OLFM3: variants seen among roughly 807,000 people sequenced by gnomAD.
The protein encoded by OLFM3 is noelin-3.
Under a neutral mutation model 48.6 loss-of-function variants are expected in OLFM3, and 20 were observed. That is an observed-to-expected ratio of 0.41 (90% CI 0.29 to 0.60). OLFM3 has a LOEUF of 0.60. OLFM3 is among the 20% of genes least tolerant of loss of function. OLFM3 has a pLI of 0.28. For missense variants in OLFM3, 437 were observed against 544.3 expected, an observed-to-expected ratio of 0.80 and a Z score of 1.96; for synonymous variants, 222 against 198.1, an observed-to-expected ratio of 1.12 and a Z score of -1.01.
intron 1 of OLFM3, among the ~76,000 whole-genome samples, chr1:101,983,546 C>T (rs974805905): frequency 1.3e-5 from 2 of 152,190 alleles, no homozygotes; most frequent in Non-Finnish European, 2.9e-5. Context: ...TGTCCAACTC[C>T]TAAACTAGTG....
chr1:101,928,962 C>T (rs527597162), intron 1 of OLFM3, among the ~76,000 whole-genome samples: 5 of 152,018 alleles, frequency 3.3e-5, no homozygotes, highest in African/African-American at 4.8e-5. Flanking sequence ...ATTGTTCTTA[C>T]GGCTTCACTT....
rs143225552 is a variant in OLFM3, at chr1:101,947,310, T to C, written c.69+49438A>G. ...CAACTGGAATATCAAAATAATTTCA[T>C]TTCCTTTTTGCAGTTGGTGTTAACT... is the stretch of plus-strand genomic sequence containing the variant. On this transcript the variant is annotated intron_variant, in intron 1 of 5. Transcript: ENST00000370103. 1.7e-3 allele frequency among the ~76,000 whole-genome samples: 261 copies of C among 152,328 alleles called. 6 individuals carry two copies. In the South Asian group the frequency reaches 0.037, roughly 22 times the overall value.
chr1:101,900,637 G>C (rs893135024), intron 1 of OLFM3, among the ~76,000 whole-genome samples: 3 of 151,976 alleles, frequency 2.0e-5, no homozygotes, highest in Non-Finnish European at 1.5e-5. Flanking sequence ...ATCTAGGAAG[G>C]AGCTGATAAA....
chr1:101,846,851 A>G lies in OLFM3; in HGVS notation c.70-9826T>C, dbSNP rs770666833. The G allele has an allele frequency of 3.1e-6, 5 of 1,611,544 alleles. No individual in the cohort carries two copies. In the Admixed American group the frequency reaches 5.0e-5, roughly 16 times the overall value. ...ACCCACCGCAGTAACTTACTAAGGT[A>G]TCCGGAGTCGACAGCCTCGTGGTGT... On this transcript the variant is annotated intron_variant, in intron 1 of 5. Coordinates refer to ENST00000370103, the MANE Select transcript of OLFM3 (RefSeq NM_058170.4).
chr1:101,880,898 T>C (rs1299859460), intron 1 of OLFM3, among the ~76,000 whole-genome samples: 2 of 151,842 alleles, frequency 1.3e-5, no homozygotes, highest in African/African-American at 4.8e-5. Flanking sequence ...CTTGGGGAAA[T>C]GGCAAGTCTT....
intron 1 of OLFM3, among the ~76,000 whole-genome samples, chr1:101,870,461 G>A (rs1410099326): frequency 6.6e-6 from 1 of 152,124 alleles, no homozygotes; most frequent in Non-Finnish European, 1.5e-5. Context: ...CAACACAGTT[G>A]CCTTGCAGTA....
intron 1 of OLFM3, among the ~76,000 whole-genome samples, chr1:101,914,614 C>G (rs1316074520): frequency 6.6e-6 from 1 of 152,112 alleles, no homozygotes; most frequent in African/African-American, 2.4e-5. Flanking sequence ...GATGTTACTT[C>G]TAATAGTGCT....
intron 1 of OLFM3, among the ~76,000 whole-genome samples, chr1:101,984,328 A>G (rs1661177674): frequency 6.6e-6 from 1 of 151,154 alleles, no homozygotes; most frequent in Admixed American, 6.6e-5. Flanking sequence ...AAAATGATTT[A>G]TTTTTTATAT....
At chr1:101,968,575 T>A (rs1660692119) in intron 1 of OLFM3, among the ~76,000 whole-genome samples, 1 of 149,608 alleles carries the variant, frequency 6.7e-6, no homozygotes, top group Non-Finnish European at 1.5e-5. Flanking sequence ...CTTCCTCATG[T>A]ATCCCACAAG....
At chr1:101,902,760 C>T (rs1049360111) in intron 1 of OLFM3, among the ~76,000 whole-genome samples, 1 of 152,092 alleles carries the variant, frequency 6.6e-6, no homozygotes, top group South Asian at 2.1e-4. Context: ...CGTACGTATA[C>T]TATCTCATTT....
chr1:101,846,958 G>C (rs1281112559), intron 1 of OLFM3: 3 of 1,612,100 alleles, frequency 1.9e-6, no homozygotes, highest in African/African-American at 1.3e-5. Flanking sequence ...CCAAGCTTCA[G>C]CAGTGGAGGA....
intron 1 of OLFM3, among the ~76,000 whole-genome samples, chr1:101,925,871 G>A (rs79068455): frequency 0.032 from 4,907 of 152,130 alleles, 153 homozygotes; most frequent in African/African-American, 0.078. Flanking sequence ...TCTGTAGGAC[G>A]TTGACATACC....
At chr1:101,822,674 GTAAT>G (rs574052664) in intron 4 of OLFM3, among the ~76,000 whole-genome samples, 149 of 152,196 alleles carry the variant, frequency 9.8e-4, no homozygotes, top group African/African-American at 3.4e-3. Context: ...AGGACACTGG[GTAAT>G]TCTTCATTTG....
At chr1:101,986,729 TTTTCC>T (rs1468866705) in intron 1 of OLFM3, among the ~76,000 whole-genome samples, 1 of 152,174 alleles carries the variant, frequency 6.6e-6, no homozygotes, top group Non-Finnish European at 1.5e-5. Context: ...TTTTCTTGCC[TTTTCC>T]TTTCTTCTAT....
chr1:101,911,810 G>A (rs1360670663), intron 1 of OLFM3, among the ~76,000 whole-genome samples: 1 of 152,054 alleles, frequency 6.6e-6, no homozygotes, highest in Non-Finnish European at 1.5e-5. Flanking sequence ...TTGAATACAG[G>A]CATTTATATG....
At chr1:101,904,348 A>T (rs1391339206) in intron 1 of OLFM3, among the ~76,000 whole-genome samples, 2 of 152,108 alleles carry the variant, frequency 1.3e-5, no homozygotes, top group African/African-American at 4.8e-5. Context: ...ACTTTATTTT[A>T]GGAACGAGTC....
At chr1:101,841,470 A>G (rs975103972) in intron 1 of OLFM3, among the ~76,000 whole-genome samples, 2 of 152,204 alleles carry the variant, frequency 1.3e-5, no homozygotes, top group African/African-American at 4.8e-5. Flanking sequence ...ATCTATGTCC[A>G]TTCACCAGTA....
chr1:101,939,974 G>C (rs1275515164), intron 1 of OLFM3, among the ~76,000 whole-genome samples: 1 of 151,594 alleles, frequency 6.6e-6, no homozygotes, highest in African/African-American at 2.4e-5. Context: ...CATTAATTCA[G>C]AACCTATAAA....
At chr1:101,951,836 C>A (rs1660151724) in intron 1 of OLFM3, among the ~76,000 whole-genome samples, 1 of 152,020 alleles carries the variant, frequency 6.6e-6, no homozygotes, top group Non-Finnish European at 1.5e-5. Context: ...TTCTTTGTTT[C>A]AAATAATGAA....
Sources: gnomAD v4.1 joint callset for allele counts (sites outside exome capture counted in the v4.1 genomes callset) on GRCh38, gnomAD v4.1.1 for gene constraint, MANE v1.5 for transcripts, NCBI Gene and HGNC (gene_info 2026-07-23, HGNC 2026-07-21) for gene names.